The following RALGPS1 variants were observed in gnomAD, a reference collection of about 807,000 sequenced individuals.
RALGPS1 encodes the protein ras-specific guanine nucleotide-releasing factor RalGPS1.
A neutral mutation model predicts 78.8 loss-of-function variants in RALGPS1; 19 were observed. That is an observed-to-expected ratio of 0.24 (90% CI 0.17 to 0.35). RALGPS1 has a LOEUF of 0.35. RALGPS1 is among the 10% of genes least tolerant of loss of function. RALGPS1 has a pLI of 1.00. For synonymous variants in RALGPS1, 228 were observed against 256.3 expected, an observed-to-expected ratio of 0.89 and a Z score of 1.06; for missense variants, 454 against 688.3, an observed-to-expected ratio of 0.66 and a Z score of 3.81.
intron 8 of RALGPS1, among the ~76,000 whole-genome samples, chr9:127,118,996 A>G (rs1188181069): frequency 6.6e-6 from 1 of 152,154 alleles, no homozygotes; most frequent in African/African-American, 2.4e-5. Flanking sequence ...CCAAGTACGG[A>G]TGTAGAAAGC....
At chr9:127,195,028 C>T in intron 11 of RALGPS1, 63 bp from the exon 12 acceptor site, 1 of 1,588,248 alleles carries the variant, frequency 6.3e-7, no homozygotes, top group Non-Finnish European at 8.6e-7. Flanking sequence ...CTCAACCCAG[C>T]CTGTGCAGCC....
In RALGPS1 at chr9:127,212,285, T is replaced by A; in HGVS notation, c.1353+49T>A. 7.1e-7 allele frequency: 1 copy of A among 1,407,240 alleles called. No homozygotes were observed. The highest frequency in any genetic ancestry group is 9.9e-7 in the Non-Finnish European group (1 of 1,014,428). The allele number at this position is 1,407,240 out of a possible 1,614,324, so 87.2% of individuals were successfully genotyped here. On this transcript the variant is annotated intron_variant, in intron 15 of 18. Coordinates refer to ENST00000259351, the MANE Select transcript of RALGPS1 (RefSeq NM_014636.3). This position sits in a 1 kb window ranked among gnomAD's most constrained non-coding sequence, Gnocchi z 6.0. ...GGGGCAGCAGGGGCTTCCACATCTG[T>A]AAATAGTGCCCACTCCTAGAGGTCT...
intron 8 of RALGPS1, among the ~76,000 whole-genome samples, chr9:127,075,925 G>C (rs1389640831): frequency 1.3e-5 from 2 of 152,156 alleles, no homozygotes; most frequent in Non-Finnish European, 2.9e-5. Context: ...TAACCACATG[G>C]GTGTGATTCT....
chr9:127,040,020 A>C (rs112716482), intron 5 of RALGPS1, among the ~76,000 whole-genome samples: 1 of 152,330 alleles, frequency 6.6e-6, no homozygotes, highest in South Asian at 2.1e-4. Context: ...GGAAGAGCAA[A>C]TGGTTAGACC....
At chr9:127,192,646 A>G (rs747233901) in intron 11 of RALGPS1, among the ~76,000 whole-genome samples, 2 of 152,160 alleles carry the variant, frequency 1.3e-5, no homozygotes, top group Non-Finnish European at 1.5e-5. Flanking sequence ...TGACAGGGCC[A>G]GACCCTGTGT....
chr9:127,004,717 G>T (rs964276052), intron 4 of RALGPS1, among the ~76,000 whole-genome samples: 1 of 152,150 alleles, frequency 6.6e-6, no homozygotes, highest in Non-Finnish European at 1.5e-5. Flanking sequence ...AAAATATATT[G>T]TGAAGCTTAC....
At chr9:127,107,459 T>A (rs1400143491) in intron 8 of RALGPS1, among the ~76,000 whole-genome samples, 4 of 152,246 alleles carry the variant, frequency 2.6e-5, no homozygotes, top group African/African-American at 9.7e-5. Context: ...CCCTACAATG[T>A]GTTTATCATA....
intron 12 of RALGPS1, 70 bp downstream of exon 12, chr9:127,195,287 G>T: frequency 6.4e-7 from 1 of 1,564,958 alleles, no homozygotes; most frequent in Non-Finnish European, 8.7e-7. Flanking sequence ...CACAGTGCAG[G>T]GAATCACTTG....
rs527692621 is a variant in RALGPS1, at chr9:126,998,891, C to A, written c.216+21146C>A. 2.6e-5 allele frequency among the ~76,000 whole-genome samples: 4 copies of A among 151,158 alleles called. No homozygotes were observed. In the East Asian group the frequency reaches 5.9e-4, roughly 22 times the overall value. ...TAGGGACATGGATGAAGCTGGAAAC[C>A]ATCATTCTCAGCAAACTATCGCAAG... is the stretch of plus-strand genomic sequence containing the variant. On this transcript the variant is annotated intron_variant, in intron 4 of 18. Coordinates refer to ENST00000259351, the MANE Select transcript of RALGPS1 (RefSeq NM_014636.3).
intron 1 of RALGPS1, among the ~76,000 whole-genome samples, chr9:126,920,284 C>T (rs960714850): frequency 1.3e-5 from 2 of 152,076 alleles, no homozygotes; most frequent in Non-Finnish European, 2.9e-5. Flanking sequence ...TTCTTCACTC[C>T]CCAAATATTT....
intron 4 of RALGPS1, among the ~76,000 whole-genome samples, chr9:127,026,512 T>C (rs1157109847): frequency 6.6e-6 from 1 of 152,258 alleles, no homozygotes; most frequent in Non-Finnish European, 1.5e-5. Context: ...ATATTTTATA[T>C]ACAAGTCTCT....
At chr9:127,078,634 C>T (rs1373269495) in intron 8 of RALGPS1, among the ~76,000 whole-genome samples, 2 of 152,154 alleles carry the variant, frequency 1.3e-5, no homozygotes, top group African/African-American at 4.8e-5. Flanking sequence ...AGCGGGAGAA[C>T]CTTGTCCCAT....
rs1382372741 is a variant in RALGPS1 at position 127,221,959 on chromosome 9, C to G, written c.*3190C>G. 1 of 152,202 alleles carries G rather than the reference C, an allele frequency of 6.6e-6. No homozygotes were observed. Among genetic ancestry groups the G allele is most frequent in the Admixed American group, 6.5e-5 (1 of 15,274 alleles). 9.4% of individuals were successfully genotyped at this position (152,202 alleles called of 1,614,324 possible). On this transcript the variant is annotated 3_prime_UTR_variant, in exon 19 of 19. Transcript: ENST00000259351. Reference sequence around the variant, plus strand: ...GGAGCACTGCCAAAAATACAGCTTTCTGGTTTGTGAGCCCATAAATGACTT... The same window carrying G: ...GGAGCACTGCCAAAAATACAGCTTTGTGGTTTGTGAGCCCATAAATGACTT...
At chr9:126,930,409 T>C (rs955879656) in intron 1 of RALGPS1, among the ~76,000 whole-genome samples, 1 of 152,172 alleles carries the variant, frequency 6.6e-6, no homozygotes, top group Admixed American at 6.5e-5. Context: ...TAATGATGTT[T>C]ACCTGGAAAA....
At chr9:127,188,760 G>A (rs2060827422) in intron 11 of RALGPS1, among the ~76,000 whole-genome samples, 1 of 147,606 alleles carries the variant, frequency 6.8e-6, no homozygotes, top group African/African-American at 2.5e-5. Flanking sequence ...GAGGCCAGGA[G>A]CTTGAGACCA....
chr9:127,155,600 G>GGATA (rs2058666366), intron 8 of RALGPS1, among the ~76,000 whole-genome samples: 1 of 152,170 alleles, frequency 6.6e-6, no homozygotes, highest in South Asian at 2.1e-4. Flanking sequence ...TTGCCTGTTG[G>GGATA]GATAGAAAGC....
intron 4 of RALGPS1, among the ~76,000 whole-genome samples, chr9:126,990,655 C>G (rs987127919): frequency 6.6e-6 from 1 of 152,210 alleles, no homozygotes; most frequent in Non-Finnish European, 1.5e-5. Flanking sequence ...GTCAGAGCTC[C>G]GAGGTAGTGC....
Position 127,050,109 on chromosome 9 carries a change from A to G in RALGPS1, c.367A>G (p.Ser123Gly). The G allele has an allele frequency of 6.2e-7, 1 of 1,613,828 alleles. No homozygotes were observed. The highest frequency in any genetic ancestry group is 8.5e-7 in the Non-Finnish European group (1 of 1,179,678). ...QTLKIRAEILSHFVKIAKKLL... is the reference protein window; with the variant it reads ...QTLKIRAEILGHFVKIAKKLL... ...TTTAAAAATAAGGGCAGAAATCCTC[A>G]GCCATTTTGTGAAAATAGCCAAGGT... Residue 123 changes from serine (S) to glycine (G), a missense_variant, in exon 6 of 19, where the codon AGC becomes GGC. Ser to Gly is a moderately conservative substitution (Grantham distance 56, BLOSUM62 0). Coordinates refer to ENST00000259351, the MANE Select transcript of RALGPS1 (RefSeq NM_014636.3).
chr9:126,954,500 A>AT, intron 1 of RALGPS1, among the ~76,000 whole-genome samples: 1 of 152,308 alleles, frequency 6.6e-6, no homozygotes, highest in South Asian at 2.1e-4. Flanking sequence ...AACACTCTCT[A>AT]GCACAGCCAG....
Sources: allele counts gnomAD v4.1 joint callset (sites outside exome capture counted in the v4.1 genomes callset), GRCh38; gene constraint gnomAD v4.1.1; non-coding constraint Gnocchi (gnomAD v3.1); transcripts MANE v1.5; gene names NCBI Gene and HGNC (gene_info 2026-07-23, HGNC 2026-07-21).